Variants in AGAP1 observed in about 807,000 individuals in gnomAD.
The protein encoded by AGAP1 is ArfGAP with GTPase domain, ankyrin repeat and PH domain 1, also known as arf-GAP with GTPase, ANK repeat and PH domain-containing protein 1.
In AGAP1, 29 loss-of-function variants were observed where a neutral mutation model predicts 105.3. The observed-to-expected ratio is 0.28, with a 90% CI of 0.21 to 0.38. AGAP1 has a LOEUF of 0.38. Ranked by LOEUF, AGAP1 falls within the 10% of genes least tolerant of loss-of-function variation. The pLI is 1.00. For synonymous variants in AGAP1, 509 were observed against 485.9 expected (o/e 1.05, Z -0.63); for missense variants, 998 against 1,165.1 (o/e 0.86, Z 2.09).
chr2:235,745,313 T>C (rs1460598473), intron 5 of AGAP1, among the ~76,000 whole-genome samples: 1 of 152,234 alleles, frequency 6.6e-6, no homozygotes, highest in African/African-American at 2.4e-5. Flanking sequence ...CACCGTCTTA[T>C]GATCTGTATC....
At chr2:235,598,618 G>A (rs1195107818) in intron 1 of AGAP1, among the ~76,000 whole-genome samples, 2 of 152,190 alleles carry the variant, frequency 1.3e-5, no homozygotes, top group Non-Finnish European at 2.9e-5. Flanking sequence ...GATTATTCAA[G>A]TATAAACTCA....
chr2:235,857,570 A>G (rs977623337), intron 9 of AGAP1, among the ~76,000 whole-genome samples: 2 of 152,232 alleles, frequency 1.3e-5, no homozygotes. Context: ...CAGAACCTGC[A>G]GAAGTGGATA....
intron 6 of AGAP1, among the ~76,000 whole-genome samples, chr2:235,782,721 A>G (rs767877723): frequency 6.6e-6 from 1 of 152,200 alleles, no homozygotes; most frequent in Non-Finnish European, 1.5e-5. Context: ...AGGAAAGTCT[A>G]CCTTCTTTGG....
chr2:235,775,042 G>A (rs1334151699), intron 6 of AGAP1, among the ~76,000 whole-genome samples: 1 of 152,140 alleles, frequency 6.6e-6, no homozygotes, highest in Non-Finnish European at 1.5e-5. Context: ...TTGAGAGAAA[G>A]CTCCAGGAGT....
At chr2:235,684,777 TG>T (rs1375827644) in intron 1 of AGAP1, among the ~76,000 whole-genome samples, 1 of 152,166 alleles carries the variant, frequency 6.6e-6, no homozygotes, top group Non-Finnish European at 1.5e-5. Flanking sequence ...ATGAATAACT[TG>T]TTGGTATCAC....
rs558076729 is a variant in AGAP1 at position 235,586,914 on chromosome 2, T to C, written c.163+92065T>C. On this transcript the variant is annotated intron_variant, in intron 1 of 17. Coordinates refer to ENST00000304032, the MANE Select transcript of AGAP1 (RefSeq NM_001037131.3). This position sits in a 1 kb window ranked among gnomAD's most constrained non-coding sequence, Gnocchi z 4.2. ...ACAGCCTGTCAGCATACAGCTTGAA[T>C]GAACTCACGTGTGTAACCAGATCAA... Among the ~76,000 whole-genome samples the C allele has an allele frequency of 6.6e-6, 1 of 152,294 alleles. No homozygotes were observed. The highest frequency in any genetic ancestry group is 2.4e-5 in the African/African-American group (1 of 41,562).
At position 236,045,641 on chromosome 2, in the gene AGAP1, G is replaced by C. The variant is rs1209589188; in HGVS notation, c.1892-3418G>C. On this transcript the variant is annotated intron_variant, in intron 15 of 17. Transcript: ENST00000304032. The surrounding 1 kb of genome is among the most constrained non-coding windows in gnomAD (Gnocchi z 6.9). The stretch of plus-strand genomic sequence containing the variant: ...AGCGGGGCCTGAAGCCAGGTGGAGG[G>C]GCAGGAGACAGTGCAGAGGTCTGAG... 2.0e-5 allele frequency among the ~76,000 whole-genome samples: 3 copies of C among 152,252 alleles called. No individual in the cohort carries two copies. The highest frequency in any genetic ancestry group is 4.8e-5 in the African/African-American group (2 of 41,466).
intron 6 of AGAP1, among the ~76,000 whole-genome samples, chr2:235,791,923 A>C (rs115827471): frequency 0.02 from 3,066 of 152,306 alleles, 95 homozygotes; most frequent in African/African-American, 0.07. Flanking sequence ...CAAGACATGC[A>C]GTGCCCTCAG....
intron 9 of AGAP1, among the ~76,000 whole-genome samples, chr2:235,840,516 G>A (rs77995992): frequency 1.4e-3 from 206 of 152,222 alleles, no homozygotes; most frequent in African/African-American, 4.6e-3. Context: ...TCGTGGGTCC[G>A]TGTTGTCCTA....
intron 9 of AGAP1, among the ~76,000 whole-genome samples, chr2:235,832,284 T>C (rs994764860): frequency 2.0e-5 from 3 of 152,242 alleles, no homozygotes; most frequent in African/African-American, 7.2e-5. Context: ...TGATCTTTCT[T>C]CTTTTCCCTC....
In AGAP1 at chr2:236,003,532, G is replaced by A. The variant is rs749390365; in HGVS notation, c.1646-33029G>A. Among the ~76,000 whole-genome samples the A allele has an allele frequency of 7.2e-5, 11 of 152,214 alleles. No homozygotes were observed. The highest frequency in any genetic ancestry group is 8.8e-5 in the Non-Finnish European group (6 of 68,026). On this transcript the variant is annotated intron_variant, in intron 13 of 17. Coordinates refer to ENST00000304032, the MANE Select transcript of AGAP1 (RefSeq NM_001037131.3). The surrounding 1 kb of genome is among the most constrained non-coding windows in gnomAD (Gnocchi z 4.2). ...ACAGACAAGGGACCCATGGCCCAGA[G>A]CCCAGAGTCACCCGCAGCCCCCCTG...
rs1014043344 is a variant in AGAP1 at position 236,040,792 on chromosome 2, G to C, written c.1842G>C (p.Ser614=). 8.7e-6 allele frequency: 14 copies of C among 1,613,904 alleles called. No individual in the cohort carries two copies. The highest frequency in any genetic ancestry group is 1.7e-4 in the Middle Eastern group (1 of 5,882). ...TSQSEAMALQ[S]IRNMRGNSHC... is the part of the protein sequence containing the mutation. ...AGAGCGAGGCCATGGCCCTGCAGTC[G>C]ATCCGGAACATGCGCGGGAACTCCC... The change falls in exon 15 of 18, where the codon TCG becomes TCC. Residue 614 remains serine, a synonymous_variant. Transcript: ENST00000304032. This position sits in a 1 kb window ranked among gnomAD's most constrained non-coding sequence, Gnocchi z 5.6.
At chr2:235,626,568 A>G (rs1946644683) in intron 1 of AGAP1, among the ~76,000 whole-genome samples, 1 of 152,248 alleles carries the variant, frequency 6.6e-6, no homozygotes, top group South Asian at 2.1e-4. Context: ...AGTGGATTTT[A>G]TAAGTGATTT....
chr2:236,018,875 T>G (rs2056796030), intron 13 of AGAP1, among the ~76,000 whole-genome samples: 1 of 152,204 alleles, frequency 6.6e-6, no homozygotes, highest in South Asian at 2.1e-4. Flanking sequence ...GCCAGATCGC[T>G]GGAACCCAGT....
In AGAP1 at chr2:235,614,072, G is replaced by A. The variant is rs573707175; in HGVS notation, c.164-95107G>A. Among the ~76,000 whole-genome samples, 5 of 151,848 alleles carry A rather than the reference G, an allele frequency of 3.3e-5. No individual in the cohort carries two copies. Among genetic ancestry groups the A allele is most frequent in the Middle Eastern group, 3.4e-3 (1 of 292 alleles). On this transcript the variant is annotated intron_variant, in intron 1 of 17. Coordinates refer to ENST00000304032, the MANE Select transcript of AGAP1 (RefSeq NM_001037131.3). This position sits in a 1 kb window ranked among gnomAD's most constrained non-coding sequence, Gnocchi z 4.7. ...ACTCAAAAGCACTAAGTTTTCTTGC[G>A]TGGTATCTGTTCATATATTGATTCA...
Position 236,036,351 on chromosome 2 carries a change from T to C in AGAP1, c.1646-210T>C, listed in dbSNP as rs2057381525. On this transcript the variant is annotated intron_variant, in intron 13 of 17. Coordinates refer to ENST00000304032, the MANE Select transcript of AGAP1 (RefSeq NM_001037131.3). The surrounding 1 kb of genome is among the most constrained non-coding windows in gnomAD (Gnocchi z 5.7). ...TGTGCCCTGAGCCTTGATTGAAACC[T>C]GGCTAAGTCATGCTGGCCTTAGGAA... 6.6e-6 allele frequency among the ~76,000 whole-genome samples: 1 copy of C among 152,192 alleles called. No individual in the cohort carries two copies. Among genetic ancestry groups the C allele is most frequent in the Non-Finnish European group, 1.5e-5 (1 of 68,026 alleles).
intron 11 of AGAP1, among the ~76,000 whole-genome samples, chr2:235,923,703 T>A (rs747810829): frequency 6.6e-6 from 1 of 152,204 alleles, no homozygotes; most frequent in African/African-American, 2.4e-5. Context: ...TTGGGTAATG[T>A]TCCGTTGTGC....
intron 1 of AGAP1, among the ~76,000 whole-genome samples, chr2:235,605,766 C>G (rs754325138): frequency 6.6e-6 from 1 of 152,242 alleles, no homozygotes; most frequent in Non-Finnish European, 1.5e-5. Context: ...AACATTTGTT[C>G]TCAACCAGCA....
intron 1 of AGAP1, among the ~76,000 whole-genome samples, chr2:235,597,842 ACGCGCTCC>A (rs1945581879): frequency 3.3e-5 from 2 of 59,912 alleles, no homozygotes; most frequent in African/African-American, 1.2e-4. Flanking sequence ...TGGAGCGTGC[ACGCGCTCC>A]CGTGTTTCCT....
Sources: allele counts gnomAD v4.1 joint callset (sites outside exome capture counted in the v4.1 genomes callset), GRCh38; gene constraint gnomAD v4.1.1; non-coding constraint Gnocchi (gnomAD v3.1); transcripts MANE v1.5; gene names NCBI Gene and HGNC (gene_info 2026-07-23, HGNC 2026-07-21).